Variants in SLFN12L observed in about 807,000 individuals in gnomAD.
The protein encoded by SLFN12L is schlafen family member 12 like, also known as schlafen family member 12-like.
SLFN12L carries 34 observed loss-of-function variants against 34.8 expected under a neutral mutation model. The ratio of observed to expected loss-of-function variants is 0.98; its 90% CI spans 0.74 to 1.30. SLFN12L has a LOEUF of 1.30. SLFN12L is among the 50% of genes most tolerant of loss of function. The probability of loss-of-function intolerance (pLI) is 0.00; values close to 1 mark genes in which losing one functional copy is unlikely to be tolerated. For synonymous variants in SLFN12L, 259 were observed against 247.5 expected, an observed-to-expected ratio of 1.05 and a Z score of -0.44; for missense variants, 703 against 696.2, an observed-to-expected ratio of 1.01 and a Z score of -0.11.
At chr17:35,485,723 G>T (rs1324905118) in intron 2 of SLFN12L, among the ~76,000 whole-genome samples, 1 of 152,274 alleles carries the variant, frequency 6.6e-6, no homozygotes, top group East Asian at 1.9e-4. Context: ...TCATTCTTCT[G>T]CATATGGTTA....
intron 2 of SLFN12L, among the ~76,000 whole-genome samples, chr17:35,495,559 C>G (rs1256554099): frequency 1.3e-5 from 2 of 152,158 alleles, no homozygotes; most frequent in African/African-American, 4.8e-5. Flanking sequence ...CCCAGGGCAA[C>G]GGCCTTGGAC....
At chr17:35,476,475 AAGGAAGGAAG>A (rs1914017258) in intron 4 of SLFN12L, among the ~76,000 whole-genome samples, 1 of 119,478 alleles carries the variant, frequency 8.4e-6, no homozygotes, top group Admixed American at 8.7e-5. Context: ...GGAAGGAAGG[AAGGAAGGAAG>A]GAAGGAAGGA....
At chr17:35,530,516 A>AAG in intron 1 of SLFN12L, among the ~76,000 whole-genome samples, 1 of 34,860 alleles carries the variant, frequency 2.9e-5, no homozygotes, top group East Asian at 5.4e-4. Flanking sequence ...AAGAAAGAAA[A>AAG]GAAAAGAAAA....
rs372611333 is a variant in SLFN12L, at chr17:35,486,805, G to T, written c.87-6610C>A. ...TTGGCTATCTTTAATGGGAATGGGG[G>T]TGGCATTCATATCTCCTTAGAGTTA... On this transcript the variant is annotated intron_variant, in intron 2 of 4. Coordinates refer to ENST00000628453, the MANE Select transcript of SLFN12L (RefSeq NM_001363830.2). Among the ~76,000 whole-genome samples the T allele has an allele frequency of 5.2e-4, 79 of 152,212 alleles. 1 individual carries two copies. Among genetic ancestry groups the T allele is most frequent in the African/African-American group, 1.8e-3 (75 of 41,516 alleles).
intron 4 of SLFN12L, among the ~76,000 whole-genome samples, chr17:35,476,776 T>TCTA (rs1914047159): frequency 7.4e-6 from 1 of 136,014 alleles, no homozygotes; most frequent in African/African-American, 2.8e-5. Flanking sequence ...ATCACTGGTG[T>TCTA]TCTGTCTGCC....
At chr17:35,482,425 C>G (rs1914380162) in intron 2 of SLFN12L, among the ~76,000 whole-genome samples, 1 of 152,196 alleles carries the variant, frequency 6.6e-6, no homozygotes. Flanking sequence ...CCGTGGGAGC[C>G]CTGCCTCTTC....
At position 35,465,475 on chromosome 17, in the gene SLFN12L, C is replaced by A. The variant is rs1247191741; in HGVS notation, c.*9448G>T. On this transcript the variant is annotated 3_prime_UTR_variant, in exon 5 of 5. Transcript: ENST00000628453. ...AAATTAAAATTAAATTTTTGGCACT[C>A]AAAAATTGGCTTGATAAAATAGGAT... Among the ~76,000 whole-genome samples the A allele has an allele frequency of 1.3e-5, 2 of 151,442 alleles. No individual in the cohort carries two copies. Among genetic ancestry groups the A allele is most frequent in the Non-Finnish European group, 2.9e-5 (2 of 67,922 alleles).
At chr17:35,534,521 T>C (rs144098758) in intron 1 of SLFN12L, among the ~76,000 whole-genome samples, 4 of 151,722 alleles carry the variant, frequency 2.6e-5, no homozygotes, top group East Asian at 1.9e-4. Context: ...TGAGAACAGA[T>C]GGTGATGTGG....
rs1916022575 is a variant in SLFN12L, at chr17:35,522,326, G to C, written c.39C>G (p.His13Gln). 1 of 1,614,052 alleles carries C rather than the reference G, an allele frequency of 6.2e-7. No homozygotes were observed. The highest frequency in any genetic ancestry group is 1.3e-5 in the African/African-American group (1 of 74,926). ...GACTTTCACAAATGTAGAGAATTCT[G>C]TGTGCCTCACAGTGAAACACATTCC... Reference protein sequence around the residue: ...KIRNVFHCEAHRILYICESQF... With the variant: ...KIRNVFHCEAQRILYICESQF... The change falls in exon 2 of 5, where the codon CAC becomes CAG. Residue 13 changes from histidine (H) to glutamine (Q), a missense_variant. Physicochemically the swap from His to Gln is conservative, Grantham distance 24 (BLOSUM62 0). Transcript: ENST00000628453.
intron 2 of SLFN12L, among the ~76,000 whole-genome samples, chr17:35,485,598 T>A (rs943682196): frequency 2.0e-5 from 3 of 152,250 alleles, no homozygotes; most frequent in African/African-American, 7.2e-5. Context: ...CCCAGGGCAA[T>A]GTCTAGAAGA....
rs916433602 is a variant in SLFN12L at position 35,491,082 on chromosome 17, T to G, written c.87-10887A>C. On this transcript the variant is annotated intron_variant, in intron 2 of 4. Coordinates refer to ENST00000628453, the MANE Select transcript of SLFN12L (RefSeq NM_001363830.2). ...TCTAATCCTCTAGTATGACCATTTG[T>G]GAACTTACTGCCTCCCCTGCTGCAA... The G allele has an allele frequency of 3.7e-5, 29 of 779,490 alleles. No homozygotes were observed. In the African/African-American group the frequency reaches 4.6e-4, roughly 12 times the overall value. 48.3% of individuals were successfully genotyped at this position (779,490 alleles called of 1,614,324 possible).
chr17:35,517,713 G>A (rs1915875521), intron 2 of SLFN12L, among the ~76,000 whole-genome samples: 1 of 152,136 alleles, frequency 6.6e-6, no homozygotes, highest in African/African-American at 2.4e-5. Context: ...ATCAACCAAT[G>A]AAACAGAACA....
chr17:35,490,197 G>A lies in SLFN12L; in HGVS notation c.87-10002C>T, dbSNP rs1597846076. 1.9e-6 allele frequency: 3 copies of A among 1,597,432 alleles called. No individual in the cohort carries two copies. In the East Asian group the frequency reaches 6.7e-5, roughly 36 times the overall value. ...CTGCAGCCACCAGCGCTGGGACGAG[G>A]CGGCAGTGGCCCTCTGGCAAAGTGA... is the stretch of plus-strand genomic sequence containing the variant. On this transcript the variant is annotated intron_variant, in intron 2 of 4. Coordinates refer to ENST00000628453, the MANE Select transcript of SLFN12L (RefSeq NM_001363830.2).
Position 35,475,028 on chromosome 17 carries a change from CT to C in SLFN12L, c.1733del (p.Lys578ArgfsTer34), listed in dbSNP as rs764697306. ...CCTTAGGTAAGATATTTGAAAGGGC[CT>C]TTTCCAAGTCTTTCATTGTTTGAGC... ...TTAQTMKDLE[K>X]ALSNILPKEN... On this transcript the variant is annotated frameshift_variant, in exon 5 of 5. Transcript: ENST00000628453. LOFTEE classifies it low-confidence loss of function (END_TRUNC). 9.2e-5 allele frequency: 147 copies of C among 1,603,890 alleles called. No individual in the cohort carries two copies. Among genetic ancestry groups the C allele is most frequent in the Non-Finnish European group, 1.2e-4 (143 of 1,174,066 alleles).
chr17:35,502,268 T>C (rs1362253998), intron 2 of SLFN12L, among the ~76,000 whole-genome samples: 1 of 151,976 alleles, frequency 6.6e-6, no homozygotes, highest in Non-Finnish European at 1.5e-5. Flanking sequence ...GGCCTTCCTA[T>C]CAAAAATCCT....
rs908675018 is a variant in SLFN12L, at chr17:35,470,981, G to C, written c.*3942C>G. ...CCAGCTTCATCCATGTCCCTGCAAA[G>C]GTCATGATCTCATTCCTTTTTATGG... is the stretch of plus-strand genomic sequence containing the variant. On this transcript the variant is annotated 3_prime_UTR_variant, in exon 5 of 5. Transcript: ENST00000628453. Among the ~76,000 whole-genome samples the C allele has an allele frequency of 1.1e-4, 16 of 152,070 alleles. No individual in the cohort carries two copies. Among genetic ancestry groups the C allele is most frequent in the African/African-American group, 3.6e-4 (15 of 41,416 alleles).
At position 35,484,205 on chromosome 17, in the gene SLFN12L, T is replaced by A. The variant is rs535779319; in HGVS notation, c.87-4010A>T. ...CACCTGATAAACTCTCTATCATCCA[T>A]CCCAGAACTCCCATATTTGTCCTTC... On this transcript the variant is annotated intron_variant, in intron 2 of 4. Transcript: ENST00000628453. Among the ~76,000 whole-genome samples the A allele has an allele frequency of 5.9e-5, 9 of 152,272 alleles. No individual in the cohort carries two copies. In the South Asian group the frequency reaches 1.7e-3, roughly 28 times the overall value.
chr17:35,485,272 G>A (rs1471186635), intron 2 of SLFN12L, among the ~76,000 whole-genome samples: 2 of 152,170 alleles, frequency 1.3e-5, no homozygotes, highest in Non-Finnish European at 2.9e-5. Flanking sequence ...GCAGCTCTCT[G>A]ATGATTAGTG....
In SLFN12L at chr17:35,478,171, G is replaced by A; in HGVS notation, c.1180C>T (p.Pro394Ser). The A allele has an allele frequency of 2.6e-6, 4 of 1,538,498 alleles. No homozygotes were observed. The highest frequency in any genetic ancestry group is 3.5e-6 in the Non-Finnish European group (4 of 1,136,344). ...VDSEPVCEEL[P>S]SPASTSSPVS... ...GGTGATGATGTACTTGCTGGAGAGG[G>A]CAGTTCCTCACATACTATGGAATAA... Residue 394 changes from proline (P) to serine (S), a missense_variant, in exon 4 of 5, where the codon CCC becomes TCC. Physicochemically the swap from Pro to Ser is moderately conservative, Grantham distance 74. Transcript: ENST00000628453.
Sources: allele counts gnomAD v4.1 joint callset (sites outside exome capture counted in the v4.1 genomes callset), GRCh38; gene constraint gnomAD v4.1.1; transcripts MANE v1.5; gene names NCBI Gene and HGNC (gene_info 2026-07-23, HGNC 2026-07-21).